Variants in VEGFC observed in about 807,000 individuals in gnomAD.
VEGFC encodes the protein vascular endothelial growth factor C.
In VEGFC, 12 loss-of-function variants were observed where a neutral mutation model predicts 46.1. The observed-to-expected ratio is 0.26, with a 90% CI of 0.17 to 0.42. The LOEUF is 0.42. VEGFC is among the 10% of genes least tolerant of loss of function. The probability of loss-of-function intolerance (pLI) is 1.00; values close to 1 mark genes in which losing one functional copy is unlikely to be tolerated. For missense variants in VEGFC, 488 were observed against 529.4 expected, an observed-to-expected ratio of 0.92 and a Z score of 0.77; for synonymous variants, 232 against 195.5, an observed-to-expected ratio of 1.19 and a Z score of -1.56.
At chr4:176,784,348 A>T (rs1351793721) in intron 1 of VEGFC, among the ~76,000 whole-genome samples, 4 of 151,874 alleles carry the variant, frequency 2.6e-5, no homozygotes, top group Admixed American at 6.6e-5. Flanking sequence ...GGGATTACAG[A>T]CGTGAGCCAC....
At chr4:176,732,313 A>G (rs1333486711) in intron 1 of VEGFC, among the ~76,000 whole-genome samples, 4 of 151,938 alleles carry the variant, frequency 2.6e-5, no homozygotes, top group Non-Finnish European at 4.4e-5. Context: ...TTTTCAATCT[A>G]TATCTAAGAG....
Position 176,769,013 on chromosome 4 carries a change from G to A in VEGFC, c.147+23152C>T, listed in dbSNP as rs1212956384. Among the ~76,000 whole-genome samples the A allele has an allele frequency of 3.9e-5, 6 of 152,096 alleles. No homozygotes were observed. The South Asian group carries it at 6.2e-4, about 16-fold the overall frequency. On this transcript the variant is annotated intron_variant, in intron 1 of 6. Transcript: ENST00000618562. ...TTGGTATTAAGAGGCCAGACCTTTG[G>A]GAGATGATGAGGTCATGAGGGTGGA...
At chr4:176,720,055 G>A (rs779690278) in intron 3 of VEGFC, among the ~76,000 whole-genome samples, 9 of 149,622 alleles carry the variant, frequency 6.0e-5, no homozygotes, top group South Asian at 2.1e-4. Flanking sequence ...GTGAGACTCC[G>A]TTTCAAAAAA....
At chr4:176,741,635 A>G (rs572564105) in intron 1 of VEGFC, among the ~76,000 whole-genome samples, 7 of 152,128 alleles carry the variant, frequency 4.6e-5, no homozygotes, top group African/African-American at 1.7e-4. Flanking sequence ...CCTTCACTTG[A>G]AAAACCATTA....
chr4:176,760,427 C>T (rs554351781), intron 1 of VEGFC, among the ~76,000 whole-genome samples: 89 of 152,190 alleles, frequency 5.8e-4, no homozygotes, highest in African/African-American at 1.9e-3. Flanking sequence ...CATCTTTTAG[C>T]GGTTGGTAGA....
intron 1 of VEGFC, among the ~76,000 whole-genome samples, chr4:176,755,616 G>C (rs1367669747): frequency 6.6e-6 from 1 of 151,912 alleles, no homozygotes; most frequent in Non-Finnish European, 1.5e-5. Context: ...TCTACTTCTA[G>C]GGAAACCCAA....
intron 4 of VEGFC, among the ~76,000 whole-genome samples, chr4:176,691,221 T>C (rs1734173367): frequency 1.3e-5 from 2 of 152,202 alleles, no homozygotes; most frequent in African/African-American, 4.8e-5. Context: ...GGTTATCTCC[T>C]TTACGTTTTA....
intron 1 of VEGFC, among the ~76,000 whole-genome samples, chr4:176,773,223 G>T (rs111528527): frequency 6.6e-6 from 1 of 152,086 alleles, no homozygotes; most frequent in African/African-American, 2.4e-5. Flanking sequence ...GTGACCACGA[G>T]GAATGAAGCA....
intron 1 of VEGFC, among the ~76,000 whole-genome samples, chr4:176,769,839 T>C (rs1056087279): frequency 6.6e-6 from 1 of 152,182 alleles, no homozygotes; most frequent in Non-Finnish European, 1.5e-5. Context: ...CAAATCCAGT[T>C]CTGATTTGGC....
intron 1 of VEGFC, among the ~76,000 whole-genome samples, chr4:176,761,253 G>C (rs540087980): frequency 2.6e-4 from 40 of 152,122 alleles, no homozygotes; most frequent in Non-Finnish European, 4.3e-4. Context: ...GTATCAGTGA[G>C]AACTTATTTA....
intron 6 of VEGFC, among the ~76,000 whole-genome samples, chr4:176,684,881 A>G (rs1194499075): frequency 6.6e-6 from 1 of 152,118 alleles, no homozygotes. Context: ...ATGTGTGGCC[A>G]CGCCTGGCTA....
intron 1 of VEGFC, among the ~76,000 whole-genome samples, chr4:176,773,886 G>GGT (rs1312830997): frequency 4.0e-5 from 6 of 151,652 alleles, no homozygotes; most frequent in African/African-American, 1.5e-4. Context: ...GTAGAGATGG[G>GGT]GTCTCACCGT....
At position 176,711,556 on chromosome 4, in the gene VEGFC, T is replaced by C; in HGVS notation, c.647A>G (p.Asp216Gly). The change falls in exon 4 of 7, where the codon GAT becomes GGT. Residue 216 changes from aspartate (D) to glycine (G), a missense_variant. Asp to Gly is a moderately conservative substitution (Grantham distance 94). Transcript: ENST00000618562. ...AATGGAATGAACTTGTCTGTAAACATCCAGTTTAGACATGCATCGGCAGGA... is the reference window on the plus strand; with the variant it reads ...AATGGAATGAACTTGTCTGTAAACACCCAGTTTAGACATGCATCGGCAGGA... ...HTSCRCMSKL[D>G]VYRQVHSIIR... is the part of the protein sequence containing the mutation. The C allele has an allele frequency of 1.2e-6, 2 of 1,613,712 alleles. No individual in the cohort carries two copies. Among genetic ancestry groups the C allele is most frequent in the Non-Finnish European group, 1.7e-6 (2 of 1,179,748 alleles).
At chr4:176,753,303 C>A (rs1234794899) in intron 1 of VEGFC, among the ~76,000 whole-genome samples, 1 of 152,016 alleles carries the variant, frequency 6.6e-6, no homozygotes, top group Non-Finnish European at 1.5e-5. Context: ...TATGTACAGG[C>A]TTAAGAAGAG....
chr4:176,792,027 G>C lies in VEGFC; in HGVS notation c.147+138C>G. On this transcript the variant is annotated intron_variant, in intron 1 of 6. Coordinates refer to ENST00000618562, the MANE Select transcript of VEGFC (RefSeq NM_005429.5). The surrounding 1 kb of genome is among the most constrained non-coding windows in gnomAD (Gnocchi z 6.3). ...GAAGAAGATTTTTCTCCAAAGCAGC[G>C]TGCACTGAGCTCAGTAACTTTGGAT... 6 of 1,165,142 alleles carry C rather than the reference G, an allele frequency of 5.1e-6. No homozygotes were observed. Among genetic ancestry groups the C allele is most frequent in the Non-Finnish European group, 6.7e-6 (6 of 902,074 alleles). The allele number at this position is 1,165,142 out of a possible 1,614,324, so 72.2% of individuals were successfully genotyped here. A position where few individuals can be genotyped will look rare whatever the true frequency, so the allele number is the denominator to read the frequency against.
At chr4:176,786,893 G>A (rs912407430) in intron 1 of VEGFC, among the ~76,000 whole-genome samples, 1 of 152,162 alleles carries the variant, frequency 6.6e-6, no homozygotes, top group African/African-American at 2.4e-5. Flanking sequence ...AAGCAATGGA[G>A]GAAGGCCTGT....
chr4:176,694,214 T>C (rs1440943696), intron 4 of VEGFC, among the ~76,000 whole-genome samples: 1 of 151,022 alleles, frequency 6.6e-6, no homozygotes, highest in Non-Finnish European at 1.5e-5. Context: ...GACCCATCAG[T>C]GTGCTGTATT....
intron 3 of VEGFC, among the ~76,000 whole-genome samples, chr4:176,725,119 C>T (rs905786651): frequency 2.0e-5 from 3 of 152,114 alleles, no homozygotes; most frequent in African/African-American, 7.2e-5. Flanking sequence ...TGATGGATAT[C>T]CCAATTACCC....
chr4:176,740,083 T>G (rs1244033695), intron 1 of VEGFC, among the ~76,000 whole-genome samples: 3 of 97,888 alleles, frequency 3.1e-5, no homozygotes, highest in African/African-American at 1.0e-4. Flanking sequence ...ATATTATATA[T>G]TCTATATATT....
Sources: allele counts gnomAD v4.1 joint callset (sites outside exome capture counted in the v4.1 genomes callset), GRCh38; gene constraint gnomAD v4.1.1; non-coding constraint Gnocchi (gnomAD v3.1); transcripts MANE v1.5; gene names NCBI Gene and HGNC (gene_info 2026-07-23, HGNC 2026-07-21).